ESF1: variants seen among roughly 807,000 people sequenced by gnomAD.
ESF1 encodes ESF1 nucleolar pre-rRNA processing protein.
A neutral mutation model predicts 92.0 loss-of-function variants in ESF1; 58 were observed. The ratio of observed to expected loss-of-function variants is 0.63; its 90% CI spans 0.51 to 0.78. The LOEUF is 0.78. Ranked by LOEUF, ESF1 falls within the 30% of genes least tolerant of loss-of-function variation. The pLI, the probability that ESF1 is intolerant of heterozygous loss-of-function variation, is 0.00. For missense variants in ESF1, 922 were observed against 989.1 expected, an observed-to-expected ratio of 0.93 and a Z score of 0.91; for synonymous variants, 321 against 313.7, an observed-to-expected ratio of 1.02 and a Z score of -0.24.
chr20:13,719,682 CT>C lies in ESF1; in HGVS notation c.2039-699del, dbSNP rs377220309. Reference sequence around the variant, plus strand: ...TCAAACAAAATAAAACAAAGAACCCCTATGAGAAAATACAAGGGAACAGCTA... The same window carrying C: ...TCAAACAAAATAAAACAAAGAACCCCATGAGAAAATACAAGGGAACAGCTA... On this transcript the variant is annotated intron_variant, in intron 11 of 13. Transcript: ENST00000617257. Among the ~76,000 whole-genome samples, 53 of 152,032 alleles carry C rather than the reference CT, an allele frequency of 3.5e-4. 1 individual carries two copies. Among genetic ancestry groups the C allele is most frequent in the African/African-American group, 1.2e-3 (49 of 41,510 alleles).
chr20:13,743,079 A>G (rs769992891), intron 9 of ESF1, among the ~76,000 whole-genome samples: 1 of 152,208 alleles, frequency 6.6e-6, no homozygotes, highest in Non-Finnish European at 1.5e-5. Flanking sequence ...AAGAATATTT[A>G]TAAGTTATAT....
At chr20:13,783,444 T>C (rs541266335) in intron 1 of ESF1, among the ~76,000 whole-genome samples, 3 of 152,334 alleles carry the variant, frequency 2.0e-5, no homozygotes, top group South Asian at 2.1e-4. Context: ...CCCAGGGCTT[T>C]ATGGAGGGGA....
At chr20:13,735,218 G>A (rs1319380481) in intron 9 of ESF1, among the ~76,000 whole-genome samples, 2 of 152,058 alleles carry the variant, frequency 1.3e-5, no homozygotes, top group African/African-American at 4.8e-5. Context: ...GTTTGAAACA[G>A]CTGAAACAGA....
chr20:13,718,977 AT>A lies in ESF1; in HGVS notation c.2045del (p.Asn682IlefsTer5). The A allele has an allele frequency of 6.2e-7, 1 of 1,602,658 alleles. No individual in the cohort carries two copies. On this transcript the variant is annotated frameshift_variant, in exon 12 of 14. Transcript: ENST00000617257. LOFTEE classifies it high-confidence loss of function. ...CTTTTGCAGATTTTACCGATTTTTT[AT>A]TTATACCTGGCACAACAAACCAACA... ...FAEEVKQIGI[N>X]KKSVKSAKDG...
intron 9 of ESF1, among the ~76,000 whole-genome samples, chr20:13,747,073 G>A (rs993734501): frequency 6.6e-6 from 1 of 152,284 alleles, no homozygotes; most frequent in South Asian, 2.1e-4. Flanking sequence ...GCCTAAGGAT[G>A]AAAGGGATCA....
chr20:13,750,755 G>C (rs1441234533), intron 9 of ESF1, among the ~76,000 whole-genome samples: 3 of 152,320 alleles, frequency 2.0e-5, no homozygotes, highest in African/African-American at 7.2e-5. Flanking sequence ...AAGGAGGGAG[G>C]ACAGCTTGAG....
intron 3 of ESF1, 26 bp from the exon 4 acceptor site, chr20:13,775,296 T>C: frequency 1.5e-6 from 2 of 1,369,772 alleles, no homozygotes. Context: ...AATTAAATAG[T>C]ACATAATCCA....
At chr20:13,772,652 AT>A in intron 4 of ESF1, 37 bp from the exon 5 acceptor site, 1 of 1,415,006 alleles carries the variant, frequency 7.1e-7, no homozygotes, top group Non-Finnish European at 1.0e-6. Context: ...TAATTTGTAC[AT>A]TCCTTTACAC....
intron 9 of ESF1, among the ~76,000 whole-genome samples, chr20:13,734,407 G>A (rs1006628402): frequency 6.6e-6 from 1 of 152,146 alleles, no homozygotes; most frequent in Non-Finnish European, 1.5e-5. Context: ...AGCATTCTGT[G>A]AGGCCTCATA....
At chr20:13,749,232 ATTTTTTT>A (rs71188184) in intron 9 of ESF1, among the ~76,000 whole-genome samples, 6 of 89,664 alleles carry the variant, frequency 6.7e-5, no homozygotes, top group African/African-American at 2.1e-4. Flanking sequence ...TGCCCGGCTA[ATTTTTTT>A]TTTTTTTTTT....
At chr20:13,744,030 A>G (rs1445223809) in intron 9 of ESF1, among the ~76,000 whole-genome samples, 2 of 152,234 alleles carry the variant, frequency 1.3e-5, no homozygotes, top group Non-Finnish European at 2.9e-5. Flanking sequence ...AAGTTATTGC[A>G]AGGTTCTAGC....
chr20:13,717,934 T>C (rs1318528982), intron 12 of ESF1, among the ~76,000 whole-genome samples: 1 of 151,992 alleles, frequency 6.6e-6, no homozygotes, highest in Non-Finnish European at 1.5e-5. Context: ...GTGTAACTTT[T>C]AACAAGTAAG....
rs1217919494 is a variant in ESF1, at chr20:13,717,437, G to A, written c.2193C>T (p.His731=). ...TTTTCTTCTTTTTGCTCAGATTCTG[G>A]TGCTCCACAATCTTGTTGTAATTGA... ...KHFNYNKIVE[H]QNLSKKKKKQ... is the part of the protein sequence containing the mutation. The change falls in exon 13 of 14, where the codon CAC becomes CAT. Residue 731 remains histidine, a synonymous_variant. Transcript: ENST00000617257. The A allele has an allele frequency of 2.5e-6, 4 of 1,613,864 alleles. No individual in the cohort carries two copies. Among genetic ancestry groups the A allele is most frequent in the East Asian group, 4.5e-5 (2 of 44,870 alleles).
At chr20:13,740,495 T>C (rs1398188699) in intron 9 of ESF1, among the ~76,000 whole-genome samples, 2 of 152,180 alleles carry the variant, frequency 1.3e-5, no homozygotes, top group Admixed American at 1.3e-4. Context: ...TTCAAAGGGA[T>C]GGAAAATATG....
chr20:13,752,251 C>T (rs2147753829), intron 9 of ESF1, among the ~76,000 whole-genome samples: 1 of 152,268 alleles, frequency 6.6e-6, no homozygotes, highest in African/African-American at 2.4e-5. Flanking sequence ...AACCTGTTAA[C>T]TGGATGATTC....
Position 13,774,321 on chromosome 20 carries a change from G to A in ESF1, c.1149+836C>T, listed in dbSNP as rs73259204. Among the ~76,000 whole-genome samples the A allele has an allele frequency of 5.8e-3, 882 of 152,156 alleles. 6 individuals are homozygous for A. The highest frequency in any genetic ancestry group is 0.02 in the African/African-American group (832 of 41,510). On this transcript the variant is annotated intron_variant, in intron 4 of 13. Coordinates refer to ENST00000617257, the MANE Select transcript of ESF1 (RefSeq NM_001276380.2). ...TTGACTGTCAACGTGAGGTTCAAAG[G>A]AAACGCTCATTGGCGCATTTCAGAT...
At chr20:13,744,176 A>G (rs1186485780) in intron 9 of ESF1, among the ~76,000 whole-genome samples, 1 of 152,234 alleles carries the variant, frequency 6.6e-6, no homozygotes. Context: ...TATGTACACC[A>G]GAGATACTTA....
chr20:13,745,522 G>A (rs1391494865), intron 9 of ESF1, among the ~76,000 whole-genome samples: 1 of 152,082 alleles, frequency 6.6e-6, no homozygotes, highest in Non-Finnish European at 1.5e-5. Flanking sequence ...TAAGATTTTG[G>A]CTCACTGCAA....
chr20:13,784,735 G>A, intron 1 of ESF1, 145 bp downstream of exon 1: 1 of 334,858 alleles, frequency 3.0e-6, no homozygotes, highest in Non-Finnish European at 5.7e-6. Flanking sequence ...GAATGAGACC[G>A]AAAAAGGCTC....
Sources: gnomAD v4.1 joint callset for allele counts (sites outside exome capture counted in the v4.1 genomes callset) on GRCh38, gnomAD v4.1.1 for gene constraint, MANE v1.5 for transcripts, NCBI Gene and HGNC (gene_info 2026-07-23, HGNC 2026-07-21) for gene names.